The following LGR5 variants were observed in gnomAD, a reference collection of about 807,000 sequenced individuals.
LGR5 encodes the protein leucine rich repeat containing G protein-coupled receptor 5.
In LGR5, 54 loss-of-function variants were observed where a neutral mutation model predicts 76.7. The ratio of observed to expected loss-of-function variants is 0.70; its 90% confidence interval spans 0.57 to 0.88. The LOEUF (loss-of-function observed/expected upper bound fraction) is 0.88, where lower values mean the gene tolerates loss of function less well. LGR5 is among the 40% of genes least tolerant of loss of function. The probability of loss-of-function intolerance (pLI) is 0.00; values close to 1 mark genes in which losing one functional copy is unlikely to be tolerated. For synonymous variants in LGR5, 406 were observed against 421.9 expected (o/e 0.96, Z 0.46); for missense variants, 1,078 against 1,073.3 (o/e 1.00, Z -0.06).
In LGR5 at chr12:71,518,273, A is replaced by G. The variant is rs773117040; in HGVS notation, c.285-6133A>G. On this transcript the variant is annotated intron_variant, in intron 2 of 17. Transcript: ENST00000266674. ...AAAGCTCAGCATTACTGATCATTAG[A>G]GAAATGCAAATCAAAACCACAATGA... Among the ~76,000 whole-genome samples, 8 of 152,376 alleles carry G rather than the reference A, an allele frequency of 5.3e-5. No individual in the cohort carries two copies. The East Asian group carries it at 1.5e-3, about 29-fold the overall frequency.
intron 2 of LGR5, among the ~76,000 whole-genome samples, chr12:71,511,363 T>G (rs969367128): frequency 6.6e-6 from 1 of 152,306 alleles, no homozygotes; most frequent in East Asian, 1.9e-4. Flanking sequence ...ATACAATTCA[T>G]GTGCCCCCAC....
chr12:71,476,409 C>G (rs1053962424), intron 1 of LGR5, among the ~76,000 whole-genome samples: 3 of 152,158 alleles, frequency 2.0e-5, no homozygotes, highest in Admixed American at 1.3e-4. Flanking sequence ...TCAAGCCTGA[C>G]TGAGGAATGA....
intron 3 of LGR5, among the ~76,000 whole-genome samples, chr12:71,531,063 G>A (rs1339197261): frequency 6.6e-6 from 1 of 151,362 alleles, no homozygotes; most frequent in Non-Finnish European, 1.5e-5. Flanking sequence ...GATGCTGTAT[G>A]AAATAGTGAT....
chr12:71,455,014 C>T (rs1342158317), intron 1 of LGR5, among the ~76,000 whole-genome samples: 3 of 152,014 alleles, frequency 2.0e-5, no homozygotes, highest in African/African-American at 7.2e-5. Flanking sequence ...GACTAGTACA[C>T]TAGATTAGAA....
At chr12:71,534,463 A>T (rs1390796308) in intron 3 of LGR5, among the ~76,000 whole-genome samples, 1 of 152,156 alleles carries the variant, frequency 6.6e-6, no homozygotes, top group East Asian at 1.9e-4. Flanking sequence ...CATTATCCTT[A>T]TTTCCATTTG....
At chr12:71,490,881 C>G (rs955333270) in intron 1 of LGR5, among the ~76,000 whole-genome samples, 1 of 152,172 alleles carries the variant, frequency 6.6e-6, no homozygotes, top group African/African-American at 2.4e-5. Context: ...CTTCCCATAG[C>G]AAAGACTTTG....
At chr12:71,581,263 A>G (rs1055167159) in intron 16 of LGR5, among the ~76,000 whole-genome samples, 1 of 152,238 alleles carries the variant, frequency 6.6e-6, no homozygotes, top group African/African-American at 2.4e-5. Flanking sequence ...ACCCCGGGGT[A>G]TCTGTCTGGA....
At chr12:71,464,501 G>A (rs984806944) in intron 1 of LGR5, among the ~76,000 whole-genome samples, 3 of 152,082 alleles carry the variant, frequency 2.0e-5, no homozygotes, top group Non-Finnish European at 4.4e-5. Context: ...ATGACTTTCC[G>A]GAAGGGTTAA....
intron 1 of LGR5, among the ~76,000 whole-genome samples, chr12:71,450,656 TTA>T (rs1412641604): frequency 6.6e-6 from 1 of 152,162 alleles, no homozygotes; most frequent in African/African-American, 2.4e-5. Flanking sequence ...AAAATTTCAT[TTA>T]TGACTTTATT....
In LGR5 at chr12:71,440,968, C is replaced by G. The variant is rs987776392; in HGVS notation, c.212+676C>G. On this transcript the variant is annotated intron_variant, in intron 1 of 17. Coordinates refer to ENST00000266674, the MANE Select transcript of LGR5 (RefSeq NM_003667.4). The surrounding 1 kb of genome is among the most constrained non-coding windows in gnomAD (Gnocchi z 5.3). The stretch of plus-strand genomic sequence containing the variant: ...AACGTTATCTTTACCTTTGGCTGCC[C>G]GCGCCGCCCTTTGAAGTGCCCGCGG... Among the ~76,000 whole-genome samples, 4 of 152,090 alleles carry G rather than the reference C, an allele frequency of 2.6e-5. No individual in the cohort carries two copies. Among genetic ancestry groups the G allele is most frequent in the Admixed American group, 2.0e-4 (3 of 15,262 alleles).
rs370934032 is a variant in LGR5, at chr12:71,502,586, A to G, written c.213-2028A>G. 3.5e-4 allele frequency among the ~76,000 whole-genome samples: 54 copies of G among 152,306 alleles called. No individual in the cohort carries two copies. The East Asian group carries it at 4.1e-3, about 11-fold the overall frequency. On this transcript the variant is annotated intron_variant, in intron 1 of 17. Coordinates refer to ENST00000266674, the MANE Select transcript of LGR5 (RefSeq NM_003667.4). ...AGGGTCTCAAGCTATTAACATAGAG[A>G]CACCCTTGTTTAAAAATAAGGAAGG...
intron 1 of LGR5, among the ~76,000 whole-genome samples, chr12:71,494,477 TGAG>T (rs1284252069): frequency 6.6e-6 from 1 of 151,216 alleles, no homozygotes; most frequent in Non-Finnish European, 1.5e-5. Flanking sequence ...CCATTGTTTC[TGAG>T]GTATTTAAGA....
In LGR5 at chr12:71,494,104, C is replaced by T. The variant is rs552977962; in HGVS notation, c.213-10510C>T. 2.1e-4 allele frequency among the ~76,000 whole-genome samples: 32 copies of T among 150,186 alleles called. No homozygotes were observed. In the East Asian group the frequency reaches 4.3e-3, roughly 20 times the overall value. ...GACTACAGGCACCTGCCACCATGCCCGGCTAATTTTTTATACTTTTTTTAG... is the reference window on the plus strand; with the variant it reads ...GACTACAGGCACCTGCCACCATGCCTGGCTAATTTTTTATACTTTTTTTAG... On this transcript the variant is annotated intron_variant, in intron 1 of 17. Transcript: ENST00000266674.
intron 4 of LGR5, among the ~76,000 whole-genome samples, chr12:71,545,159 C>T (rs921337628): frequency 1.3e-5 from 2 of 152,044 alleles, no homozygotes; most frequent in Non-Finnish European, 2.9e-5. Context: ...TTATAATGCT[C>T]ATCCAGCCGG....
intron 1 of LGR5, among the ~76,000 whole-genome samples, chr12:71,447,443 G>A (rs1263891322): frequency 1.3e-5 from 2 of 152,138 alleles, no homozygotes; most frequent in Non-Finnish European, 2.9e-5. Flanking sequence ...AGAAAAATTA[G>A]GATATGTTTG....
Position 71,439,897 on chromosome 12 carries a change from C to T in LGR5, c.-184C>T, listed in dbSNP as rs1871669060. ...AAGGCCGGCGTGGCGGCAACCGGCACCTCTGTCCCCGCCGCGCTTCTCCTC... is the reference window on the plus strand; with the variant it reads ...AAGGCCGGCGTGGCGGCAACCGGCATCTCTGTCCCCGCCGCGCTTCTCCTC... On this transcript the variant is annotated 5_prime_UTR_variant, in exon 1 of 18. Coordinates refer to ENST00000266674, the MANE Select transcript of LGR5 (RefSeq NM_003667.4). The T allele has an allele frequency of 1.8e-6, 1 of 570,152 alleles. No individual in the cohort carries two copies. The highest frequency in any genetic ancestry group is 3.0e-6 in the Non-Finnish European group (1 of 332,970). The allele number at this position is 570,152 out of a possible 1,614,324, so 35.3% of individuals were successfully genotyped here.
chr12:71,541,192 A>G (rs1876860851), intron 4 of LGR5, among the ~76,000 whole-genome samples: 1 of 152,188 alleles, frequency 6.6e-6, no homozygotes, highest in Non-Finnish European at 1.5e-5. Flanking sequence ...TTAACAGGAA[A>G]AGCTCCTTCT....
chr12:71,561,741 C>T, intron 7 of LGR5, 40 bp from the exon 8 acceptor site: 1 of 1,255,432 alleles, frequency 8.0e-7, no homozygotes, highest in Non-Finnish European at 1.1e-6. Context: ...AATAATTTTA[C>T]CCCACACAGG....
intron 3 of LGR5, among the ~76,000 whole-genome samples, chr12:71,533,101 T>C (rs1212197165): frequency 6.6e-6 from 1 of 151,920 alleles, no homozygotes; most frequent in Non-Finnish European, 1.5e-5. Context: ...TCCCAGAACT[T>C]TGGGAGGTTG....
Sources: gnomAD v4.1 joint callset for allele counts (sites outside exome capture counted in the v4.1 genomes callset) on GRCh38, gnomAD v4.1.1 for gene constraint, Gnocchi (gnomAD v3.1) non-coding constraint, MANE v1.5 for transcripts, NCBI Gene and HGNC (gene_info 2026-07-23, HGNC 2026-07-21) for gene names.